FSTL5: variants seen among roughly 807,000 people sequenced by gnomAD.
FSTL5 encodes the protein follistatin like 5.
A neutral mutation model predicts 89.1 loss-of-function variants in FSTL5; 62 were observed. That is an observed-to-expected ratio of 0.70 (90% CI 0.57 to 0.86). The LOEUF is 0.86. Among genes scored for constraint, FSTL5 ranks in the 40% least tolerant of loss-of-function variants. The pLI, the probability that FSTL5 is intolerant of heterozygous loss-of-function variation, is 0.00. For missense variants in FSTL5, 1,057 were observed against 1,001.6 expected, an observed-to-expected ratio of 1.06 and a Z score of -0.75; for synonymous variants, 383 against 346.2, an observed-to-expected ratio of 1.11 and a Z score of -1.18.
chr4:161,883,205 C>A (rs533809931), intron 4 of FSTL5, among the ~76,000 whole-genome samples: 7 of 152,270 alleles, frequency 4.6e-5, no homozygotes, highest in African/African-American at 1.4e-4. Context: ...ACCTGTAATA[C>A]TGTAATCTCT....
At chr4:161,386,484 C>T in intron 15 of FSTL5, 35 bp from the exon 16 acceptor site, 1 of 1,469,028 alleles carries the variant, frequency 6.8e-7, no homozygotes, top group Non-Finnish European at 9.3e-7. Flanking sequence ...AGACAGGAAG[C>T]AATGGAGTTT....
chr4:162,091,618 C>T (rs910355654), intron 2 of FSTL5, among the ~76,000 whole-genome samples: 2 of 152,094 alleles, frequency 1.3e-5, no homozygotes, highest in Admixed American at 1.3e-4. Flanking sequence ...TGGAGTTCAT[C>T]CTCCAAGGTT....
intron 2 of FSTL5, among the ~76,000 whole-genome samples, chr4:162,086,847 T>C (rs958816744): frequency 6.6e-5 from 10 of 152,084 alleles, no homozygotes; most frequent in African/African-American, 2.4e-4. Context: ...TGTTCAATAG[T>C]TAAGGAAAAT....
At chr4:162,023,869 T>C (rs954546352) in intron 3 of FSTL5, among the ~76,000 whole-genome samples, 2 of 152,128 alleles carry the variant, frequency 1.3e-5, no homozygotes, top group African/African-American at 4.8e-5. Context: ...CACACTGCCT[T>C]TGCCATTATC....
At chr4:162,004,168 C>A (rs1195588383) in intron 3 of FSTL5, among the ~76,000 whole-genome samples, 2 of 152,152 alleles carry the variant, frequency 1.3e-5, no homozygotes, top group Non-Finnish European at 2.9e-5. Context: ...GGATATCATG[C>A]AGCACAACTT....
At chr4:161,519,545 C>A (rs1447100469) in intron 10 of FSTL5, among the ~76,000 whole-genome samples, 2 of 151,898 alleles carry the variant, frequency 1.3e-5, no homozygotes, top group African/African-American at 4.8e-5. Context: ...CAAAACAAAA[C>A]AAAAAATAAC....
rs555417809 is a variant in FSTL5, at chr4:161,960,630, A to T, written c.161-39978T>A. Among the ~76,000 whole-genome samples the T allele has an allele frequency of 3.3e-5, 5 of 152,206 alleles. No homozygotes were observed. The East Asian group carries it at 9.6e-4, about 29-fold the overall frequency. On this transcript the variant is annotated intron_variant, in intron 3 of 15. Coordinates refer to ENST00000306100, the MANE Select transcript of FSTL5 (RefSeq NM_020116.5). ...TAACTGGCTAAAAACAACTTATGTT[A>T]AATTTGATATATTTCATTATTGTTT...
chr4:162,066,077 T>C (rs1360207762), intron 2 of FSTL5, among the ~76,000 whole-genome samples: 1 of 152,094 alleles, frequency 6.6e-6, no homozygotes, highest in Non-Finnish European at 1.5e-5. Context: ...AGAACATTTA[T>C]ATTAATGTGA....
chr4:161,406,825 AT>A (rs1731396226), intron 15 of FSTL5, among the ~76,000 whole-genome samples: 1 of 152,150 alleles, frequency 6.6e-6, no homozygotes, highest in Non-Finnish European at 1.5e-5. Context: ...TTTACATCTA[AT>A]GTCAATCTCT....
chr4:161,837,218 A>C (rs903822214), intron 4 of FSTL5, among the ~76,000 whole-genome samples: 1 of 152,156 alleles, frequency 6.6e-6, no homozygotes, highest in African/African-American at 2.4e-5. Flanking sequence ...AAAGAGCACT[A>C]AGTATGAGAT....
rs569987445 is a variant in FSTL5, at chr4:161,546,376, A to G, written c.1016-3683T>C. Among the ~76,000 whole-genome samples the G allele has an allele frequency of 5.7e-5, 8 of 140,732 alleles. No homozygotes were observed. The East Asian group carries it at 2.3e-3, about 41-fold the overall frequency. The allele number at this position is 140,732 out of a possible 152,430, so 92.3% of individuals were successfully genotyped here. A position where few individuals can be genotyped will look rare whatever the true frequency, so the allele number is the denominator to read the frequency against. On this transcript the variant is annotated intron_variant, in intron 8 of 15. Transcript: ENST00000306100. ...CATTGTGATATTCTCAGTTCTGTGT[A>G]AGACATTAAATCAGTGATTCCAAAA...
At chr4:161,596,373 A>G (rs1734011211) in intron 7 of FSTL5, among the ~76,000 whole-genome samples, 1 of 152,014 alleles carries the variant, frequency 6.6e-6, no homozygotes, top group Admixed American at 6.6e-5. Flanking sequence ...ACTATTGCTT[A>G]AAATTATTAA....
At chr4:162,061,786 C>T (rs961891967) in intron 2 of FSTL5, among the ~76,000 whole-genome samples, 7 of 152,064 alleles carry the variant, frequency 4.6e-5, no homozygotes, top group African/African-American at 1.7e-4. Context: ...CTTAAGCACA[C>T]AGGGACATAC....
At chr4:162,161,042 A>C (rs529091537) in intron 1 of FSTL5, among the ~76,000 whole-genome samples, 1 of 151,944 alleles carries the variant, frequency 6.6e-6, no homozygotes, top group Non-Finnish European at 1.5e-5. Flanking sequence ...CAAATTGAGC[A>C]CGTCATGTAA....
chr4:162,091,076 T>A (rs139874251), intron 2 of FSTL5, among the ~76,000 whole-genome samples: 228 of 152,262 alleles, frequency 1.5e-3, no homozygotes, highest in Non-Finnish European at 2.1e-3. Context: ...AGTTTGTGAA[T>A]ATAAGTTTTG....
intron 10 of FSTL5, among the ~76,000 whole-genome samples, chr4:161,526,954 T>C (rs1256958983): frequency 6.6e-6 from 1 of 151,864 alleles, no homozygotes; most frequent in African/African-American, 2.4e-5. Flanking sequence ...CCATATGAAC[T>C]TTAGTTTTTT....
rs139863405 is a variant in FSTL5, at chr4:161,733,597, G to A, written c.727+25814C>T. Among the ~76,000 whole-genome samples the A allele has an allele frequency of 3.4e-3, 515 of 152,046 alleles. 2 individuals carry two copies. The highest frequency in any genetic ancestry group is 5.1e-3 in the Non-Finnish European group (344 of 67,896). On this transcript the variant is annotated intron_variant, in intron 6 of 15. Coordinates refer to ENST00000306100, the MANE Select transcript of FSTL5 (RefSeq NM_020116.5). The stretch of plus-strand genomic sequence containing the variant: ...TTCTCAGTCGTAGAAAGAAAGTATC[G>A]AGTTTGTCAATTTCAAGTATACTGA...
intron 7 of FSTL5, among the ~76,000 whole-genome samples, chr4:161,631,643 G>T (rs1449355913): frequency 1.3e-5 from 2 of 152,012 alleles, no homozygotes; most frequent in African/African-American, 4.8e-5. Context: ...TAATTCAGAT[G>T]ACACATAACA....
At chr4:162,109,865 A>G (rs1731367785) in intron 2 of FSTL5, among the ~76,000 whole-genome samples, 1 of 152,088 alleles carries the variant, frequency 6.6e-6, no homozygotes, top group Non-Finnish European at 1.5e-5. Context: ...ACAGCACAGA[A>G]TAAATATTCA....
Sources: gnomAD v4.1 joint callset for allele counts (sites outside exome capture counted in the v4.1 genomes callset) on GRCh38, gnomAD v4.1.1 for gene constraint, MANE v1.5 for transcripts, NCBI Gene and HGNC (gene_info 2026-07-23, HGNC 2026-07-21) for gene names.